NCOA3: variants seen among roughly 807,000 people sequenced by gnomAD.
NCOA3 encodes the protein nuclear receptor coactivator 3, also known as CBP-interacting protein.
Under a neutral mutation model 158.8 loss-of-function variants are expected in NCOA3, and 51 were observed. The observed-to-expected ratio is 0.32, with a 90% CI of 0.26 to 0.41. NCOA3 has a LOEUF of 0.41. NCOA3 is among the 10% of genes least tolerant of loss of function. The probability of loss-of-function intolerance (pLI) is 1.00; values close to 1 mark genes in which losing one functional copy is unlikely to be tolerated. For synonymous variants in NCOA3, 537 were observed against 592.4 expected (o/e 0.91, Z 1.36); for missense variants, 1,510 against 1,746.6 (o/e 0.86, Z 2.41).
chr20:47,626,847 C>T (rs1174390355), intron 5 of NCOA3, among the ~76,000 whole-genome samples, 155 bp from the exon 6 acceptor site: 1 of 152,124 alleles, frequency 6.6e-6, no homozygotes, highest in Non-Finnish European at 1.5e-5. Context: ...GGATTAGGGT[C>T]CCCACCGTTA....
At chr20:47,644,440 C>G (rs779258041) in intron 17 of NCOA3, among the ~76,000 whole-genome samples, 3 of 152,178 alleles carry the variant, frequency 2.0e-5, no homozygotes, top group Non-Finnish European at 2.9e-5. Flanking sequence ...TGAGCCACCG[C>G]GCCTGGCCCT....
At chr20:47,597,525 G>C (rs2085778554) in intron 2 of NCOA3, among the ~76,000 whole-genome samples, 2 of 144,384 alleles carry the variant, frequency 1.4e-5, no homozygotes, top group South Asian at 4.4e-4. Flanking sequence ...GTTTCGCTCT[G>C]TCGCCTAGGC....
chr20:47,536,174 G>A (rs138557406), intron 1 of NCOA3, among the ~76,000 whole-genome samples: 7 of 152,278 alleles, frequency 4.6e-5, no homozygotes, highest in Admixed American at 1.3e-4. Flanking sequence ...GCACAGGCCC[G>A]AGGGTGGAGC....
intron 1 of NCOA3, among the ~76,000 whole-genome samples, chr20:47,554,028 G>A (rs1240619915): frequency 6.6e-6 from 1 of 152,174 alleles, no homozygotes; most frequent in African/African-American, 2.4e-5. Context: ...GTGTAAAAGT[G>A]TTCCTATTTC....
chr20:47,556,121 G>C (rs1450406528), intron 1 of NCOA3, among the ~76,000 whole-genome samples: 3 of 151,712 alleles, frequency 2.0e-5, no homozygotes, highest in Non-Finnish European at 4.4e-5. Flanking sequence ...TTTTATTGGA[G>C]ACAGGGTTTC....
intron 2 of NCOA3, among the ~76,000 whole-genome samples, chr20:47,617,101 GCATGCCAC>G (rs1362737440): frequency 2.6e-5 from 4 of 152,022 alleles, no homozygotes; most frequent in Non-Finnish European, 5.9e-5. Context: ...GACTACATGT[GCATGCCAC>G]CATGCCCAGC....
At chr20:47,535,713 G>A (rs140590323) in intron 1 of NCOA3, among the ~76,000 whole-genome samples, 1,808 of 151,918 alleles carry the variant, frequency 0.012, 40 homozygotes, top group African/African-American at 0.042. Flanking sequence ...TCACCATGTT[G>A]GCCAAGATGG....
chr20:47,577,089 T>A (rs932363342), intron 1 of NCOA3, among the ~76,000 whole-genome samples: 1 of 152,220 alleles, frequency 6.6e-6, no homozygotes, highest in Non-Finnish European at 1.5e-5. Flanking sequence ...TTTAAAAAAA[T>A]TTAGGCTAGT....
chr20:47,616,897 G>A (rs976213182), intron 2 of NCOA3, among the ~76,000 whole-genome samples: 3 of 152,202 alleles, frequency 2.0e-5, no homozygotes, highest in African/African-American at 7.2e-5. Context: ...TCAACTATAA[G>A]TGATAATATC....
At chr20:47,547,835 C>T (rs2084858326) in intron 1 of NCOA3, among the ~76,000 whole-genome samples, 1 of 152,088 alleles carries the variant, frequency 6.6e-6, no homozygotes, top group South Asian at 2.1e-4. Flanking sequence ...CGTGCCTTAG[C>T]CTCCCGAGTA....
intron 8 of NCOA3, chr20:47,630,244 G>A (rs1482313342): frequency 6.6e-6 from 1 of 151,956 alleles, no homozygotes; most frequent in Non-Finnish European, 1.5e-5. Flanking sequence ...AAGATTTTTG[G>A]TCACCATTAA....
At chr20:47,577,239 A>G (rs181210974) in intron 1 of NCOA3, among the ~76,000 whole-genome samples, 2 of 152,262 alleles carry the variant, frequency 1.3e-5, no homozygotes, top group Admixed American at 6.5e-5. Context: ...ATCCCTATGT[A>G]ATTTTTACAC....
At chr20:47,616,526 A>G (rs1227953192) in intron 2 of NCOA3, among the ~76,000 whole-genome samples, 1 of 152,182 alleles carries the variant, frequency 6.6e-6, no homozygotes, top group African/African-American at 2.4e-5. Context: ...GTGCATTGCC[A>G]TATTTAATAC....
intron 1 of NCOA3, among the ~76,000 whole-genome samples, chr20:47,582,118 C>T (rs2085463254): frequency 6.6e-6 from 1 of 152,184 alleles, no homozygotes; most frequent in African/African-American, 2.4e-5. Context: ...AACTGGTCTC[C>T]ACCACCTCCA....
chr20:47,588,329 C>G (rs1332068169), intron 2 of NCOA3, among the ~76,000 whole-genome samples: 1 of 151,436 alleles, frequency 6.6e-6, no homozygotes, highest in Non-Finnish European at 1.5e-5. Flanking sequence ...GAGACAGGGT[C>G]TCACCACGTT....
At chr20:47,532,385 G>A (rs941860026) in intron 1 of NCOA3, among the ~76,000 whole-genome samples, 1 of 150,786 alleles carries the variant, frequency 6.6e-6, no homozygotes, top group Non-Finnish European at 1.5e-5. Flanking sequence ...GAACAAAGAC[G>A]TAAGTAGCAA....
intron 8 of NCOA3, chr20:47,631,196 A>G (rs935285982): frequency 6.6e-6 from 1 of 152,214 alleles, no homozygotes; most frequent in East Asian, 1.9e-4. Flanking sequence ...GTCCTCAGTA[A>G]TTAGTCTGAA....
chr20:47,533,139 C>A (rs796501822), intron 1 of NCOA3, among the ~76,000 whole-genome samples: 3 of 142,442 alleles, frequency 2.1e-5, no homozygotes, highest in African/African-American at 7.8e-5. Context: ...AAAAATTAAC[C>A]GGGCGTGGTG....
intron 16 of NCOA3, among the ~76,000 whole-genome samples, chr20:47,640,449 CTT>C (rs2086585163): frequency 6.6e-6 from 1 of 152,120 alleles, no homozygotes; most frequent in African/African-American, 2.4e-5. Flanking sequence ...TTTAAAAAAA[CTT>C]TTCTTTTCCC....
Sources: gnomAD v4.1 joint callset for allele counts (sites outside exome capture counted in the v4.1 genomes callset) on GRCh38, gnomAD v4.1.1 for gene constraint, MANE v1.5 for transcripts, NCBI Gene and HGNC (gene_info 2026-07-23, HGNC 2026-07-21) for gene names.